SH3RF2: variants seen among roughly 807,000 people sequenced by gnomAD.
The protein encoded by SH3RF2 is E3 ubiquitin-protein ligase SH3RF2.
In SH3RF2, 43 loss-of-function variants were observed where a neutral mutation model predicts 59.0. That is an observed-to-expected ratio of 0.73 (90% confidence interval 0.57 to 0.94). SH3RF2 has a LOEUF of 0.94. Ranked by LOEUF, SH3RF2 falls within the 40% of genes least tolerant of loss-of-function variation. SH3RF2 has a pLI of 0.00. For synonymous variants in SH3RF2, 391 were observed against 391.5 expected, an observed-to-expected ratio of 1.00 and a Z score of 0.01; for missense variants, 930 against 940.1, an observed-to-expected ratio of 0.99 and a Z score of 0.14.
intron 4 of SH3RF2, 40 bp from the exon 5 acceptor site, chr5:146,013,707 C>T: frequency 3.7e-6 from 6 of 1,608,652 alleles, no homozygotes; most frequent in Non-Finnish European, 3.4e-6. Context: ...CACATTAGAT[C>T]AGGAAGACAA....
At chr5:145,972,504 C>G (rs1759126105) in intron 2 of SH3RF2, among the ~76,000 whole-genome samples, 1 of 152,204 alleles carries the variant, frequency 6.6e-6, no homozygotes, top group African/African-American at 2.4e-5. Context: ...GTAGTACTTG[C>G]TCTGCTCCCC....
chr5:146,078,506 T>C (rs188885830), exon 10 of SH3RF2: 32 of 152,334 alleles, frequency 2.1e-4, no homozygotes, highest in African/African-American at 6.5e-4. Flanking sequence ...ACAACTGGGA[T>C]GCAGAAGAGA....
At chr5:146,067,020 C>T (rs1299879965), downstream of SH3RF2, among the ~76,000 whole-genome samples, 3 of 152,066 alleles carry the variant, frequency 2.0e-5, no homozygotes, top group African/African-American at 7.2e-5. Flanking sequence ...GAGGACCATA[C>T]CTGAGGAAAT....
At chr5:146,033,595 C>T (rs954799389) in intron 5 of SH3RF2, among the ~76,000 whole-genome samples, 7 of 151,010 alleles carry the variant, frequency 4.6e-5, no homozygotes, top group South Asian at 2.1e-4. Context: ...CTCAGCCTCC[C>T]AAGAAGCTGG....
chr5:146,015,696 G>A (rs79802919), intron 5 of SH3RF2, among the ~76,000 whole-genome samples: 2,232 of 152,292 alleles, frequency 0.015, 28 homozygotes, highest in Non-Finnish European at 0.018. Flanking sequence ...TGTCATCTAC[G>A]GAGGCTGGAC....
At chr5:146,065,381 G>T (rs1476875654), downstream of SH3RF2, among the ~76,000 whole-genome samples, 1 of 152,184 alleles carries the variant, frequency 6.6e-6, no homozygotes, top group Non-Finnish European at 1.5e-5. Context: ...CACTCTCAAT[G>T]AGTTTAGCAA....
intron 5 of SH3RF2, among the ~76,000 whole-genome samples, chr5:146,046,281 A>G (rs1425671919): frequency 6.6e-6 from 1 of 152,222 alleles, no homozygotes; most frequent in Non-Finnish European, 1.5e-5. Flanking sequence ...GACCAATGCC[A>G]TCACACATGT....
intron 2 of SH3RF2, among the ~76,000 whole-genome samples, chr5:145,991,833 A>G (rs573361098): frequency 3.3e-5 from 5 of 152,226 alleles, no homozygotes; most frequent in Admixed American, 1.3e-4. Flanking sequence ...AAAAGAAAGA[A>G]AGAAAGCTAG....
At chr5:146,009,728 A>G (rs927252824) in intron 4 of SH3RF2, among the ~76,000 whole-genome samples, 2 of 152,212 alleles carry the variant, frequency 1.3e-5, no homozygotes, top group Non-Finnish European at 2.9e-5. Context: ...TAAAATGGAC[A>G]TAATAATGCT....
At chr5:146,054,033 C>A (rs1456479173) in intron 7 of SH3RF2, among the ~76,000 whole-genome samples, 1 of 152,174 alleles carries the variant, frequency 6.6e-6, no homozygotes, top group Non-Finnish European at 1.5e-5. Context: ...TCCACTCTTC[C>A]CACCTAAGCC....
chr5:146,049,360 C>T (rs993676068), intron 7 of SH3RF2, 115 bp downstream of exon 7: 32 of 1,249,652 alleles, frequency 2.6e-5, no homozygotes, highest in African/African-American at 1.4e-4. Flanking sequence ...GCCAAGAAAG[C>T]GCTTTTTGCT....
intron 2 of SH3RF2, among the ~76,000 whole-genome samples, chr5:145,958,241 T>G (rs1358983953): frequency 6.6e-6 from 1 of 152,222 alleles, no homozygotes; most frequent in African/African-American, 2.4e-5. Context: ...TAACATCTAC[T>G]TCAGATGGTT....
At chr5:146,040,322 T>G (rs1762082581) in intron 5 of SH3RF2, among the ~76,000 whole-genome samples, 1 of 152,236 alleles carries the variant, frequency 6.6e-6, no homozygotes, top group African/African-American at 2.4e-5. Flanking sequence ...TACTTATCCG[T>G]ATGCAAAATA....
At chr5:146,051,420 A>G (rs78301849) in intron 7 of SH3RF2, among the ~76,000 whole-genome samples, 3,189 of 152,298 alleles carry the variant, frequency 0.021, 119 homozygotes, top group African/African-American at 0.072. Context: ...AAAACTAGCT[A>G]AGAAGATATC....
At chr5:146,064,848 GA>G (rs1383075328), downstream of SH3RF2, among the ~76,000 whole-genome samples, 17 of 16,944 alleles carry the variant, frequency 1.0e-3, 1 homozygote, top group Non-Finnish European at 5.3e-3. Context: ...AAGAAAGAAA[GA>G]AAGAAAGAAA....
chr5:146,048,696 C>T (rs1406851351), intron 6 of SH3RF2, among the ~76,000 whole-genome samples: 5 of 152,136 alleles, frequency 3.3e-5, no homozygotes, highest in Non-Finnish European at 5.9e-5. Flanking sequence ...TGGATTGTTT[C>T]CTGAATGCCT....
Position 146,033,451 on chromosome 5 carries a change from C to CCTTT in SH3RF2, c.1060-14321_1060-14320insCTTT, listed in dbSNP as rs1561753484. Among the ~76,000 whole-genome samples the CCTTT allele has an allele frequency of 5.6e-5, 4 of 71,856 alleles. 1 individual carries two copies. The highest frequency in any genetic ancestry group is 1.3e-4 in the Admixed American group (1 of 7,628). The allele number at this position is 71,856 out of a possible 152,430, so 47.1% of individuals were successfully genotyped here. ...AAAATCTATGAGCACTAGCCCTTAG[C>CCTTT]TTTTTTTTTTTTTTTTTTTTTTTTT... On this transcript the variant is annotated intron_variant, in intron 5 of 9. Transcript: ENST00000359120.
At chr5:146,079,846 T>G (rs191320934) in exon 10 of SH3RF2, 24 of 152,384 alleles carry the variant, frequency 1.6e-4, no homozygotes, top group African/African-American at 5.3e-4. Context: ...GAGGTGGGAT[T>G]GAGCACACTG....
At chr5:145,940,457 A>G (rs1561700766) in intron 2 of SH3RF2, among the ~76,000 whole-genome samples, 1 of 152,220 alleles carries the variant, frequency 6.6e-6, no homozygotes, top group East Asian at 1.9e-4. Flanking sequence ...GCAACCATGC[A>G]TCCCACAGTT....
Sources: gnomAD v4.1 joint callset for allele counts (sites outside exome capture counted in the v4.1 genomes callset) on GRCh38, gnomAD v4.1.1 for gene constraint, MANE v1.5 for transcripts, NCBI Gene and HGNC (gene_info 2026-07-23, HGNC 2026-07-21) for gene names.